The following ZNF638 variants were observed in gnomAD, a reference collection of about 807,000 sequenced individuals.
The protein encoded by ZNF638 is CTCL tumor antigen se33-1.
A neutral mutation model predicts 195.6 loss-of-function variants in ZNF638; 46 were observed. That is an observed-to-expected ratio of 0.24 (90% CI 0.19 to 0.30). The LOEUF (loss-of-function observed/expected upper bound fraction) is 0.30, where lower values mean the gene tolerates loss of function less well. Among genes scored for constraint, ZNF638 ranks in the 10% least tolerant of loss-of-function variants. The pLI is 1.00. For missense variants in ZNF638, 2,440 were observed against 2,325.3 expected (o/e 1.05, Z -1.01); for synonymous variants, 845 against 772.0 (o/e 1.09, Z -1.57).
Position 71,423,968 on chromosome 2 carries a change from A to C in ZNF638, c.4454A>C (p.Asp1485Ala). 1 of 1,614,110 alleles carries C rather than the reference A, an allele frequency of 6.2e-7. No individual in the cohort carries two copies. Among genetic ancestry groups the C allele is most frequent in the South Asian group, 1.1e-5 (1 of 91,076 alleles). Residue 1485 changes from aspartate to alanine, a missense_variant, in exon 22 of 28, where the codon GAT (aspartate) becomes GCT (alanine). Coordinates refer to ENST00000264447, the MANE Select transcript of ZNF638 (RefSeq NM_014497.5). The stretch of plus-strand genomic sequence containing the variant: ...AAGCTTTCTAAACTGGATTACAGAG[A>C]TATAACAAAACAATCTCAGGAAACA... The part of the protein sequence containing the change: ...QGKLSKLDYR[D>A]ITKQSQETEA...
At chr2:71,368,572 C>T (rs1472278794) in intron 7 of ZNF638, 44 bp downstream of exon 7, 2 of 1,596,636 alleles carry the variant, frequency 1.3e-6, no homozygotes, top group South Asian at 2.2e-5. Flanking sequence ...AAAGTGATTG[C>T]TTTAATGATT....
At chr2:71,400,035 T>A (rs1314008920) in intron 13 of ZNF638, 77 bp from the exon 14 acceptor site, 1 of 1,232,908 alleles carries the variant, frequency 8.1e-7, no homozygotes, top group Non-Finnish European at 1.1e-6. Context: ...TCAAACTAGC[T>A]TAAGTTCCTG....
rs2080481700 is a variant in ZNF638 at position 71,423,936 on chromosome 2, G to C, written c.4422G>C (p.Leu1474=). ...TRGGSGRISA[L]QGKLSKLDYR... is the part of the protein sequence containing the mutation. The stretch of plus-strand genomic sequence containing the variant: ...GAGGCAGTGGAAGGATCTCAGCCCT[G>C]CAAGGCAAGCTTTCTAAACTGGATT... Residue 1474 remains leucine (L), a synonymous_variant, in exon 22 of 28, where the codon CTG becomes CTC. Transcript: ENST00000264447. The C allele has an allele frequency of 6.2e-7, 1 of 1,614,016 alleles. No homozygotes were observed. Among genetic ancestry groups the C allele is most frequent in the Non-Finnish European group, 8.5e-7 (1 of 1,179,974 alleles).
chr2:71,409,552 A>G (rs2080170383), intron 20 of ZNF638, among the ~76,000 whole-genome samples: 1 of 152,190 alleles, frequency 6.6e-6, no homozygotes, highest in Non-Finnish European at 1.5e-5. Flanking sequence ...CATAACCTCT[A>G]CACTCACAGG....
Position 71,418,589 on chromosome 2 carries a change from G to A in ZNF638, c.3262-13G>A. The A allele has an allele frequency of 6.5e-7, 1 of 1,531,248 alleles. No individual in the cohort carries two copies. The highest frequency in any genetic ancestry group is 1.3e-5 in the South Asian group (1 of 75,474). The allele number at this position is 1,531,248 out of a possible 1,614,324, so 94.9% of individuals were successfully genotyped here. A position where few individuals can be genotyped will look rare whatever the true frequency, so the allele number is the denominator to read the frequency against. On this transcript the variant is annotated splice_polypyrimidine_tract_variant and intron_variant, in intron 20 of 27. Coordinates refer to ENST00000264447, the MANE Select transcript of ZNF638 (RefSeq NM_014497.5). ...GTGGAATAGCCTCTAATAAAATGCT[G>A]ATTATATTACAGGTGCAAATTGAGC...
chr2:71,343,635 C>T (rs1037239415), intron 1 of ZNF638, among the ~76,000 whole-genome samples: 1 of 152,166 alleles, frequency 6.6e-6, no homozygotes, highest in Non-Finnish European at 1.5e-5. Flanking sequence ...AGATTGTCTC[C>T]TAACCATGTG....
At chr2:71,411,648 C>G (rs2080230797) in intron 20 of ZNF638, among the ~76,000 whole-genome samples, 1 of 105,020 alleles carries the variant, frequency 9.5e-6, no homozygotes, top group Non-Finnish European at 1.9e-5. Context: ...ACCACAGTCC[C>G]CAGAGTGTGA....
Position 71,428,809 on chromosome 2 carries a change from C to A in ZNF638, c.5650+158C>A, listed in dbSNP as rs555936353. 30 of 560,144 alleles carry A rather than the reference C, an allele frequency of 5.4e-5. No individual in the cohort carries two copies. The South Asian group carries it at 6.7e-4, about 12-fold the overall frequency. 34.7% of individuals were successfully genotyped at this position (560,144 alleles called of 1,614,324 possible). On this transcript the variant is annotated intron_variant, in intron 25 of 27. Transcript: ENST00000264447. ...TATTAGATGTGGGTAACATTTTGAT[C>A]TTTGTAATGTAGAGAGAATGGATTA...
At chr2:71,361,050 C>T (rs1213553090) in intron 3 of ZNF638, among the ~76,000 whole-genome samples, 2 of 152,176 alleles carry the variant, frequency 1.3e-5, no homozygotes, top group African/African-American at 4.8e-5. Flanking sequence ...CAACCTCCAC[C>T]TCCTGGGTTC....
intron 10 of ZNF638, among the ~76,000 whole-genome samples, chr2:71,383,156 C>T (rs994568315): frequency 6.6e-6 from 1 of 152,060 alleles, no homozygotes; most frequent in Non-Finnish European, 1.5e-5. Context: ...AACCCCGTCT[C>T]TACTAAAATA....
chr2:71,366,632 A>G (rs1282768048), intron 6 of ZNF638, among the ~76,000 whole-genome samples: 3 of 152,214 alleles, frequency 2.0e-5, no homozygotes, highest in African/African-American at 7.2e-5. Context: ...AATTGGGAAA[A>G]TGAATAATCA....
chr2:71,431,266 GT>G, intron 25 of ZNF638, 60 bp from the exon 26 acceptor site: 1 of 1,432,228 alleles, frequency 7.0e-7, no homozygotes, highest in South Asian at 1.2e-5. Flanking sequence ...ATTATCCAAT[GT>G]TAACTTTACA....
intron 3 of ZNF638, among the ~76,000 whole-genome samples, chr2:71,361,069 C>G (rs755814021): frequency 1.3e-5 from 2 of 152,100 alleles, no homozygotes; most frequent in Non-Finnish European, 2.9e-5. Context: ...TCAAGTGATC[C>G]TCCCACCTCA....
chr2:71,350,097 T>C lies in ZNF638; in HGVS notation c.1143T>C (p.Ile381=), dbSNP rs2078916151. 1 of 1,614,176 alleles carries C rather than the reference T, an allele frequency of 6.2e-7. No individual in the cohort carries two copies. Among genetic ancestry groups the C allele is most frequent in the African/African-American group, 1.3e-5 (1 of 75,068 alleles). ...ACCAGTCACAGGCTGACATTCCCATTCGGTCTCCCTTTGGTATTGTGAAAG... is the reference window on the plus strand; with the variant it reads ...ACCAGTCACAGGCTGACATTCCCATCCGGTCTCCCTTTGGTATTGTGAAAG... ...KNYQSQADIP[I]RSPFGIVKAS... Residue 381 remains isoleucine (I), a synonymous_variant, in exon 2 of 28, where the codon ATT becomes ATC. Transcript: ENST00000264447.
intron 8 of ZNF638, chr2:71,376,023 C>A (rs1012265339): frequency 6.6e-6 from 1 of 152,088 alleles, no homozygotes; most frequent in Non-Finnish European, 1.5e-5. Context: ...AGTTAAGGAA[C>A]ATAGGTAAGG....
At chr2:71,354,728 A>G (rs1360874689) in intron 2 of ZNF638, among the ~76,000 whole-genome samples, 1 of 114,012 alleles carries the variant, frequency 8.8e-6, no homozygotes, top group Non-Finnish European at 1.8e-5. Flanking sequence ...CAAGAGTGAA[A>G]CTGTCTCAAA....
chr2:71,407,027 C>A (rs1285206453), intron 19 of ZNF638, among the ~76,000 whole-genome samples: 1 of 152,136 alleles, frequency 6.6e-6, no homozygotes, highest in Non-Finnish European at 1.5e-5. Flanking sequence ...TCCTTACTTT[C>A]ATGATTTGGC....
At chr2:71,391,598 C>T (rs905274061) in intron 10 of ZNF638, among the ~76,000 whole-genome samples, 1 of 152,184 alleles carries the variant, frequency 6.6e-6, no homozygotes, top group Admixed American at 6.5e-5. Context: ...GTACAGATGT[C>T]CTCACCTTGG....
chr2:71,394,586 G>C (rs1411465294), intron 10 of ZNF638, among the ~76,000 whole-genome samples: 1 of 152,082 alleles, frequency 6.6e-6, no homozygotes, highest in Non-Finnish European at 1.5e-5. Context: ...TGGTATTAAG[G>C]AGACAATCTG....
Sources: allele counts gnomAD v4.1 joint callset (sites outside exome capture counted in the v4.1 genomes callset), GRCh38; gene constraint gnomAD v4.1.1; transcripts MANE v1.5; gene names NCBI Gene and HGNC (gene_info 2026-07-23, HGNC 2026-07-21).